Variants in SNTG1 observed in about 807,000 individuals in gnomAD.
SNTG1 encodes the protein syntrophin gamma 1.
In SNTG1, 39 loss-of-function variants were observed where a neutral mutation model predicts 74.7. That is an observed-to-expected ratio of 0.52 (90% confidence interval 0.40 to 0.68). The LOEUF (loss-of-function observed/expected upper bound fraction) is 0.68, where lower values mean the gene tolerates loss of function less well. SNTG1 is among the 30% of genes least tolerant of loss of function. The pLI is 0.00. For missense variants in SNTG1, 685 were observed against 609.5 expected (o/e 1.12, Z -1.30); for synonymous variants, 254 against 217.1 (o/e 1.17, Z -1.49).
chr8:50,090,636 C>A (rs553447846), intron 1 of SNTG1, among the ~76,000 whole-genome samples: 1 of 152,188 alleles, frequency 6.6e-6, no homozygotes, highest in East Asian at 1.9e-4. Context: ...AACTTTGGAA[C>A]CCAGTGCTCC....
At chr8:50,096,583 A>G (rs2079938145) in intron 1 of SNTG1, among the ~76,000 whole-genome samples, 1 of 152,210 alleles carries the variant, frequency 6.6e-6, no homozygotes, top group Admixed American at 6.5e-5. Flanking sequence ...GGCAGTTTAT[A>G]TATTTCTCTG....
intron 1 of SNTG1, among the ~76,000 whole-genome samples, chr8:50,117,570 C>T (rs1347964282): frequency 6.6e-6 from 1 of 152,078 alleles, no homozygotes; most frequent in Admixed American, 6.6e-5. Context: ...GGCATGGCAC[C>T]AGTCCTCATG....
At chr8:50,561,576 G>T (rs2094488666) in intron 12 of SNTG1, among the ~76,000 whole-genome samples, 1 of 152,046 alleles carries the variant, frequency 6.6e-6, no homozygotes, top group South Asian at 2.1e-4. Flanking sequence ...GGAAACAAAT[G>T]CAAACATCAT....
intron 11 of SNTG1, among the ~76,000 whole-genome samples, chr8:50,538,494 C>T (rs192896875): frequency 6.2e-4 from 94 of 152,188 alleles, no homozygotes; most frequent in African/African-American, 2.0e-3. Context: ...GTTGACAGTT[C>T]TTTTCTTTCA....
intron 12 of SNTG1, among the ~76,000 whole-genome samples, chr8:50,561,178 TA>T (rs975538519): frequency 6.6e-6 from 1 of 152,112 alleles, no homozygotes; most frequent in Non-Finnish European, 1.5e-5. Context: ...CTGATGGTTT[TA>T]AAAGTGTGTG....
At chr8:50,326,432 A>T (rs2090752223) in intron 2 of SNTG1, among the ~76,000 whole-genome samples, 1 of 152,026 alleles carries the variant, frequency 6.6e-6, no homozygotes, top group Non-Finnish European at 1.5e-5. Flanking sequence ...TGTATCTTTC[A>T]AGAAATCAGC....
At chr8:50,076,577 G>A (rs988322326) in intron 1 of SNTG1, among the ~76,000 whole-genome samples, 1 of 151,818 alleles carries the variant, frequency 6.6e-6, no homozygotes, top group Non-Finnish European at 1.5e-5. Flanking sequence ...ATATATTTAG[G>A]CCTAAATATT....
chr8:50,300,463 T>C (rs1587013600), intron 2 of SNTG1, among the ~76,000 whole-genome samples: 1 of 152,170 alleles, frequency 6.6e-6, no homozygotes, highest in East Asian at 1.9e-4. Flanking sequence ...TTCTTGGTTT[T>C]TCTTTGCAGC....
At chr8:50,788,516 C>T (rs530258962) in intron 18 of SNTG1, among the ~76,000 whole-genome samples, 5 of 152,018 alleles carry the variant, frequency 3.3e-5, no homozygotes, top group South Asian at 2.1e-4. Flanking sequence ...ATTATTGGAA[C>T]GCTAAGCGTG....
intron 18 of SNTG1, among the ~76,000 whole-genome samples, chr8:50,768,050 C>T (rs1340786448): frequency 1.3e-5 from 2 of 151,950 alleles, no homozygotes; most frequent in Non-Finnish European, 2.9e-5. Flanking sequence ...AAATTTGCTT[C>T]TCTATTTAGT....
chr8:49,969,922 G>C (rs1430949871), intron 1 of SNTG1, among the ~76,000 whole-genome samples: 1 of 136,646 alleles, frequency 7.3e-6, no homozygotes, highest in Non-Finnish European at 1.5e-5. Flanking sequence ...AAAAACCTGT[G>C]TGTGTGTGTG....
chr8:50,466,450 T>C (rs528101278), intron 8 of SNTG1, among the ~76,000 whole-genome samples: 1 of 152,176 alleles, frequency 6.6e-6, no homozygotes, highest in South Asian at 2.1e-4. Flanking sequence ...TGTAGCTTAA[T>C]TGTAAGTCTT....
intron 2 of SNTG1, among the ~76,000 whole-genome samples, chr8:50,326,159 C>A (rs1330201365): frequency 6.6e-6 from 1 of 151,912 alleles, no homozygotes; most frequent in Non-Finnish European, 1.5e-5. Flanking sequence ...CTGTAATTTT[C>A]TATTCTTGTA....
intron 1 of SNTG1, among the ~76,000 whole-genome samples, chr8:50,095,218 C>G: frequency 6.6e-6 from 1 of 151,534 alleles, no homozygotes; most frequent in Admixed American, 6.5e-5. Flanking sequence ...TGCTCACTAC[C>G]TGGGTGATGT....
chr8:50,577,297 C>A (rs2094582184), intron 12 of SNTG1, among the ~76,000 whole-genome samples: 2 of 152,062 alleles, frequency 1.3e-5, no homozygotes, highest in African/African-American at 4.8e-5. Flanking sequence ...ATGTGTTGAA[C>A]CAATCTTCCA....
chr8:50,302,968 A>G lies in SNTG1; in HGVS notation c.-27-91244A>G, dbSNP rs568293400. ...GCTGAGATGCTTACTTAGCATTTCC[A>G]GAATAATGAATACAAGTTTGATGGA... On this transcript the variant is annotated intron_variant, in intron 2 of 18. Transcript: ENST00000642720. 8.5e-5 allele frequency among the ~76,000 whole-genome samples: 13 copies of G among 152,360 alleles called. No homozygotes were observed. In the South Asian group the frequency reaches 2.1e-3, roughly 24 times the overall value.
intron 18 of SNTG1, among the ~76,000 whole-genome samples, chr8:50,761,981 C>A (rs1458043922): frequency 6.6e-6 from 1 of 151,934 alleles, no homozygotes; most frequent in Non-Finnish European, 1.5e-5. Context: ...ATAGGGAATT[C>A]TAATTACACT....
In SNTG1 at chr8:50,613,128, G is replaced by A. The variant is rs78406974; in HGVS notation, c.849+22211G>A. Among the ~76,000 whole-genome samples the A allele has an allele frequency of 4.3e-3, 651 of 152,240 alleles. 15 individuals carry two copies. The East Asian group carries it at 0.072, about 17-fold the overall frequency. On this transcript the variant is annotated intron_variant, in intron 13 of 18. Transcript: ENST00000642720. ...ATTAGAATTCAATAATAGAAACATT[G>A]CAAAGTTTATGGTGAGTCTCCCTTT...
intron 1 of SNTG1, among the ~76,000 whole-genome samples, chr8:50,109,331 C>T (rs1355547514): frequency 6.6e-6 from 1 of 152,114 alleles, no homozygotes; most frequent in South Asian, 2.1e-4. Context: ...TTAGCAGATG[C>T]AATTCATATT....
Sources: allele counts gnomAD v4.1 joint callset (sites outside exome capture counted in the v4.1 genomes callset), GRCh38; gene constraint gnomAD v4.1.1; transcripts MANE v1.5; gene names NCBI Gene and HGNC (gene_info 2026-07-23, HGNC 2026-07-21).